PEX3: variants seen among roughly 807,000 people sequenced by gnomAD.
PEX3 encodes the protein peroxin-3.
PEX3 carries 30 observed loss-of-function variants against 55.8 expected under a neutral mutation model. That is an observed-to-expected ratio of 0.54 (90% CI 0.40 to 0.73). The LOEUF (loss-of-function observed/expected upper bound fraction) is 0.73, where lower values mean the gene tolerates loss of function less well. Among genes scored for constraint, PEX3 ranks in the 30% least tolerant of loss-of-function variants. The pLI, the probability that PEX3 is intolerant of heterozygous loss-of-function variation, is 0.00. For synonymous variants in PEX3, 135 were observed against 148.4 expected (o/e 0.91, Z 0.66); for missense variants, 351 against 432.8 (o/e 0.81, Z 1.68).
At chr6:143,472,534 GT>G (rs1780088728) in intron 8 of PEX3, among the ~76,000 whole-genome samples, 1 of 152,066 alleles carries the variant, frequency 6.6e-6, no homozygotes, top group Non-Finnish European at 1.5e-5. Context: ...TAGATATTCA[GT>G]ACATTTTTAT....
chr6:143,473,975 A>AT, intron 8 of PEX3, among the ~76,000 whole-genome samples: 1 of 152,144 alleles, frequency 6.6e-6, no homozygotes, highest in South Asian at 2.1e-4. Flanking sequence ...AAAAAAAAAA[A>AT]AATGAAAAAT....
chr6:143,457,454 T>C (rs956919079), intron 1 of PEX3, among the ~76,000 whole-genome samples: 1 of 152,232 alleles, frequency 6.6e-6, no homozygotes, highest in Non-Finnish European at 1.5e-5. Flanking sequence ...ACTGAACTAC[T>C]ATTTTTAAGA....
Position 143,481,534 on chromosome 6 carries a change from A to G in PEX3, c.941+2336A>G, listed in dbSNP as rs1780241661. Among the ~76,000 whole-genome samples, 4 of 152,082 alleles carry G rather than the reference A, an allele frequency of 2.6e-5. No homozygotes were observed. In the South Asian group the frequency reaches 8.3e-4, roughly 32 times the overall value. ...AAATTTTTAATTATTCTCCAACACT[A>G]TGATTAATTAAGGTTTAAGAATGTA... On this transcript the variant is annotated intron_variant, in intron 10 of 11. Coordinates refer to ENST00000367591, the MANE Select transcript of PEX3 (RefSeq NM_003630.3).
chr6:143,467,887 T>G (rs1335133813), intron 3 of PEX3, among the ~76,000 whole-genome samples: 1 of 152,200 alleles, frequency 6.6e-6, no homozygotes, highest in African/African-American at 2.4e-5. Context: ...GTAATCTATC[T>G]ATACATAACA....
chr6:143,490,484 T>C lies in PEX3; in HGVS notation c.*1258T>C. 1 of 273,090 alleles carries C rather than the reference T, an allele frequency of 3.7e-6. No homozygotes were observed. 16.9% of individuals were successfully genotyped at this position (273,090 alleles called of 1,614,324 possible). A position where few individuals can be genotyped will look rare whatever the true frequency, so the allele number is the denominator to read the frequency against. On this transcript the variant is annotated 3_prime_UTR_variant, in exon 12 of 12. Coordinates refer to ENST00000367591, the MANE Select transcript of PEX3 (RefSeq NM_003630.3). This position sits in a 1 kb window ranked among gnomAD's most constrained non-coding sequence, Gnocchi z 6.0. ...CCATAGCCCTCACCATAGACACCTC[T>C]GAGCCCACTGGCATTGTCTCTGAGC...
chr6:143,479,836 T>C lies in PEX3; in HGVS notation c.941+638T>C, dbSNP rs1409015142. ...ATCTTTGGTCTCATATTAGAATTTA[T>C]ACTCTTTAAGGATTTCTATTTTGCA... On this transcript the variant is annotated intron_variant, in intron 10 of 11. Transcript: ENST00000367591. This position sits in a 1 kb window ranked among gnomAD's most constrained non-coding sequence, Gnocchi z 4.6. 6.6e-6 allele frequency among the ~76,000 whole-genome samples: 1 copy of C among 152,154 alleles called. No homozygotes were observed. The highest frequency in any genetic ancestry group is 2.4e-5 in the African/African-American group (1 of 41,462).
Position 143,462,796 on chromosome 6 carries a change from T to G in PEX3, c.206-120T>G. On this transcript the variant is annotated intron_variant, in intron 2 of 11. Coordinates refer to ENST00000367591, the MANE Select transcript of PEX3 (RefSeq NM_003630.3). This position sits in a 1 kb window ranked among gnomAD's most constrained non-coding sequence, Gnocchi z 4.1. Reference sequence around the variant, plus strand: ...ATAATTTGAATCGTCTAGCCCTGACTTTCCCTTCTGACTCTTGCTAGTTGC... The same window carrying G: ...ATAATTTGAATCGTCTAGCCCTGACGTTCCCTTCTGACTCTTGCTAGTTGC... 1 of 748,272 alleles carries G rather than the reference T, an allele frequency of 1.3e-6. No individual in the cohort carries two copies. 46.4% of individuals were successfully genotyped at this position (748,272 alleles called of 1,614,324 possible).
chr6:143,471,144 C>G lies in PEX3; in HGVS notation c.456+59C>G, dbSNP rs1780067894. 7.2e-7 allele frequency: 1 copy of G among 1,394,898 alleles called. No individual in the cohort carries two copies. Among genetic ancestry groups the G allele is most frequent in the East Asian group, 2.3e-5 (1 of 43,694 alleles). The allele number at this position is 1,394,898 out of a possible 1,614,324, so 86.4% of individuals were successfully genotyped here. A position where few individuals can be genotyped will look rare whatever the true frequency, so the allele number is the denominator to read the frequency against. On this transcript the variant is annotated intron_variant, in intron 5 of 11. Transcript: ENST00000367591. This position sits in a 1 kb window ranked among gnomAD's most constrained non-coding sequence, Gnocchi z 5.4. Reference sequence around the variant, plus strand: ...TTCCCTCAGGAGGTTCAAAGTTTAACTTATTTATCCTGATAACAATTTCTA... The same window carrying G: ...TTCCCTCAGGAGGTTCAAAGTTTAAGTTATTTATCCTGATAACAATTTCTA...
intron 9 of PEX3, among the ~76,000 whole-genome samples, chr6:143,477,121 T>C (rs544879246): frequency 1.8e-4 from 27 of 152,244 alleles, no homozygotes; most frequent in African/African-American, 5.1e-4. Context: ...TGTTGAGAAG[T>C]TTCAGAGGAG....
chr6:143,459,087 G>GTA lies in PEX3; in HGVS notation c.82_83dup (p.Leu29PhefsTer40). 6.3e-7 allele frequency: 1 copy of GTA among 1,580,674 alleles called. No individual in the cohort carries two copies. Among genetic ancestry groups the GTA allele is most frequent in the Non-Finnish European group, 8.7e-7 (1 of 1,149,652 alleles). Reference sequence around the variant, plus strand: ...TAGTACTTTTTTAATGATTGTAGGAGTATATATTCTGGGGAAATATGGACA... The same window carrying GTA: ...TAGTACTTTTTTAATGATTGTAGGAGTATATATATTCTGGGGAAATATGGACA... On this transcript the variant is annotated frameshift_variant, in exon 2 of 12. Transcript: ENST00000367591. LOFTEE classifies it high-confidence loss of function. The surrounding 1 kb of genome is among the most constrained non-coding windows in gnomAD (Gnocchi z 4.2).
rs186088396 is a variant in PEX3 at position 143,454,273 on chromosome 6, A to G, written c.73+3158A>G. On this transcript the variant is annotated intron_variant, in intron 1 of 11. Coordinates refer to ENST00000367591, the MANE Select transcript of PEX3 (RefSeq NM_003630.3). This position sits in a 1 kb window ranked among gnomAD's most constrained non-coding sequence, Gnocchi z 4.3. ...GAGAATGAGAATGAAAAAGGCAAAT[A>G]ACATTTTAGTATTATTACGAAAACA... 1.3e-5 allele frequency among the ~76,000 whole-genome samples: 2 copies of G among 152,326 alleles called. No homozygotes were observed. The highest frequency in any genetic ancestry group is 2.9e-5 in the Non-Finnish European group (2 of 68,030).
At chr6:143,469,962 G>C (rs1192317568) in intron 4 of PEX3, among the ~76,000 whole-genome samples, 1 of 152,006 alleles carries the variant, frequency 6.6e-6, no homozygotes, top group East Asian at 1.9e-4. Flanking sequence ...TTTCTGGGGG[G>C]TGAGGGGAGA....
rs554770935 is a variant in PEX3, at chr6:143,479,711, A to G, written c.941+513A>G. Among the ~76,000 whole-genome samples, 5 of 152,190 alleles carry G rather than the reference A, an allele frequency of 3.3e-5. No individual in the cohort carries two copies. The highest frequency in any genetic ancestry group is 3.4e-3 in the Middle Eastern group (1 of 294). On this transcript the variant is annotated intron_variant, in intron 10 of 11. Transcript: ENST00000367591. This position sits in a 1 kb window ranked among gnomAD's most constrained non-coding sequence, Gnocchi z 4.6. ...AGAATTAGGAACATGTATTAGTGCAATTGTTAGTGATTTTAATCATAACTA... is the reference window on the plus strand; with the variant it reads ...AGAATTAGGAACATGTATTAGTGCAGTTGTTAGTGATTTTAATCATAACTA...
rs1316750476 is a variant in PEX3, at chr6:143,459,200, G to T, written c.189G>T (p.Arg63Ser). 6.2e-7 allele frequency: 1 copy of T among 1,612,738 alleles called. No individual in the cohort carries two copies. Among genetic ancestry groups the T allele is most frequent in the Non-Finnish European group, 8.5e-7 (1 of 1,178,892 alleles). ...AATATCATTTTGAAAGTAACCAGAGGACTTGCAATATGACAGGTAAGACAG... is the reference window on the plus strand; with the variant it reads ...AATATCATTTTGAAAGTAACCAGAGTACTTGCAATATGACAGGTAAGACAG... ...RRQYHFESNQRTCNMTVLSML... is the reference protein window; with the variant it reads ...RRQYHFESNQSTCNMTVLSML... The change falls in exon 2 of 12, where the codon AGG (arginine) becomes AGT (serine). Residue 63 changes from arginine to serine, a missense_variant. Arg to Ser is a moderately radical substitution (Grantham distance 110, BLOSUM62 -1). Transcript: ENST00000367591. This position sits in a 1 kb window ranked among gnomAD's most constrained non-coding sequence, Gnocchi z 4.2.
intron 2 of PEX3, among the ~76,000 whole-genome samples, chr6:143,461,514 A>T (rs960045996): frequency 6.6e-6 from 1 of 152,198 alleles, no homozygotes; most frequent in Non-Finnish European, 1.5e-5. Flanking sequence ...TAACATGAGC[A>T]ATGATAATGG....
rs1001865722 is a variant in PEX3 at position 143,454,926 on chromosome 6, G to A, written c.73+3811G>A. The stretch of plus-strand genomic sequence containing the variant: ...GAGTACAGATTGTGAAGGGCCTTAT[G>A]AAGCCATTCTACATAATTTGGACAT... On this transcript the variant is annotated intron_variant, in intron 1 of 11. Transcript: ENST00000367591. The surrounding 1 kb of genome is among the most constrained non-coding windows in gnomAD (Gnocchi z 4.3). 2.0e-5 allele frequency among the ~76,000 whole-genome samples: 3 copies of A among 152,206 alleles called. No homozygotes were observed. Among genetic ancestry groups the A allele is most frequent in the Non-Finnish European group, 2.9e-5 (2 of 68,040 alleles).
rs550563013 is a variant in PEX3, at chr6:143,451,869, T to G, written c.73+754T>G. ...ATGCTCATGTGATAATATTCAGGGA[T>G]TTGAAGGAGGGAATAAAAGTTTTGT... On this transcript the variant is annotated intron_variant, in intron 1 of 11. Coordinates refer to ENST00000367591, the MANE Select transcript of PEX3 (RefSeq NM_003630.3). This position sits in a 1 kb window ranked among gnomAD's most constrained non-coding sequence, Gnocchi z 4.1. Among the ~76,000 whole-genome samples the G allele has an allele frequency of 9.0e-4, 137 of 152,320 alleles. No individual in the cohort carries two copies. The highest frequency in any genetic ancestry group is 1.1e-3 in the Non-Finnish European group (78 of 68,028).
At chr6:143,460,131 T>A (rs767870802) in intron 2 of PEX3, among the ~76,000 whole-genome samples, 1 of 152,248 alleles carries the variant, frequency 6.6e-6, no homozygotes, top group Non-Finnish European at 1.5e-5. Flanking sequence ...TAAAGGTACA[T>A]TCTCCTTATT....
chr6:143,470,924 A>C, intron 4 of PEX3, 37 bp from the exon 5 acceptor site: 1 of 1,585,878 alleles, frequency 6.3e-7, no homozygotes, highest in South Asian at 1.1e-5. Context: ...CATTTGTATT[A>C]ATCACAGTAC....
Sources: gnomAD v4.1 joint callset for allele counts (sites outside exome capture counted in the v4.1 genomes callset) on GRCh38, gnomAD v4.1.1 for gene constraint, Gnocchi (gnomAD v3.1) non-coding constraint, MANE v1.5 for transcripts, NCBI Gene and HGNC (gene_info 2026-07-23, HGNC 2026-07-21) for gene names.